UPF2: variants seen among roughly 807,000 people sequenced by gnomAD.
UPF2 encodes regulator of nonsense transcripts 2.
UPF2 carries 17 observed loss-of-function variants against 141.4 expected under a neutral mutation model. That is an observed-to-expected ratio of 0.12 (90% CI 0.08 to 0.18). The LOEUF is 0.18. UPF2 is among the 10% of genes least tolerant of loss of function. The pLI is 1.00. For missense variants in UPF2, 1,152 were observed against 1,515.9 expected (o/e 0.76, Z 3.99); for synonymous variants, 540 against 498.0 (o/e 1.08, Z -1.12).
chr10:11,986,668 AGAT>A (rs1283317885), intron 8 of UPF2, among the ~76,000 whole-genome samples: 1 of 152,236 alleles, frequency 6.6e-6, no homozygotes, highest in Non-Finnish European at 1.5e-5. Context: ...CTAAAGCAGA[AGAT>A]GATTCCTAAA....
rs1003175046 is a variant in UPF2, at chr10:11,992,545, C to A, written c.1844+5127G>T. ...TAAAGTAATAAAATAATAATGCAAA[C>A]CTTCCTAAAACCAAGAAACATACAC... On this transcript the variant is annotated intron_variant, in intron 8 of 21. Transcript: ENST00000357604. The surrounding 1 kb of genome is among the most constrained non-coding windows in gnomAD (Gnocchi z 4.1). Among the ~76,000 whole-genome samples, 5 of 152,078 alleles carry A rather than the reference C, an allele frequency of 3.3e-5. No homozygotes were observed. The highest frequency in any genetic ancestry group is 2.6e-4 in the Admixed American group (4 of 15,272).
At chr10:11,999,760 G>T in intron 7 of UPF2, 146 bp downstream of exon 7, 1 of 674,758 alleles carries the variant, frequency 1.5e-6, no homozygotes, top group Non-Finnish European at 2.6e-6. Context: ...AATTTTGTCT[G>T]CTTATGCTGA....
At chr10:11,990,284 A>T (rs1315220745) in intron 8 of UPF2, among the ~76,000 whole-genome samples, 1 of 152,206 alleles carries the variant, frequency 6.6e-6, no homozygotes, top group Admixed American at 6.5e-5. Flanking sequence ...TGATAAACCC[A>T]TATTCCTGAC....
chr10:12,035,639 T>A (rs1208658591), intron 1 of UPF2, 198 bp from the exon 2 acceptor site: 2 of 544,994 alleles, frequency 3.7e-6, no homozygotes, highest in African/African-American at 2.0e-5. Context: ...TAGTTAGGCC[T>A]ATGTCTAAGT....
chr10:12,039,716 G>A (rs1834701697), intron 1 of UPF2, among the ~76,000 whole-genome samples: 2 of 151,780 alleles, frequency 1.3e-5, no homozygotes, highest in African/African-American at 4.8e-5. Flanking sequence ...TGCCACCCGG[G>A]TTCAAGTCAT....
At chr10:11,937,745 T>C (rs968176935) in intron 18 of UPF2, among the ~76,000 whole-genome samples, 2 of 152,170 alleles carry the variant, frequency 1.3e-5, no homozygotes, top group Non-Finnish European at 2.9e-5. Flanking sequence ...ACCATTTAAA[T>C]AGTCTTCTGA....
At chr10:12,036,780 C>T (rs887717711) in intron 1 of UPF2, among the ~76,000 whole-genome samples, 9 of 152,176 alleles carry the variant, frequency 5.9e-5, no homozygotes, top group Non-Finnish European at 1.3e-4. Flanking sequence ...AATCTCAGCA[C>T]TTTGGAAGGC....
At chr10:11,971,229 C>G (rs1833411768) in intron 9 of UPF2, among the ~76,000 whole-genome samples, 1 of 150,860 alleles carries the variant, frequency 6.6e-6, no homozygotes, top group Non-Finnish European at 1.5e-5. Context: ...TTTCACTCCT[C>G]ATTCAACATT....
chr10:12,024,381 A>G (rs1287175825), intron 3 of UPF2, among the ~76,000 whole-genome samples: 1 of 152,142 alleles, frequency 6.6e-6, no homozygotes, highest in Admixed American at 6.6e-5. Context: ...AGACCAAGGC[A>G]GGCAGATCAT....
chr10:12,023,510 T>TAAAAAAAA lies in UPF2; in HGVS notation c.1145+5227_1145+5234dup, dbSNP rs762703531. Among the ~76,000 whole-genome samples the TAAAAAAAA allele has an allele frequency of 2.3e-3, 270 of 117,208 alleles. 2 individuals are homozygous for TAAAAAAAA. Among genetic ancestry groups the TAAAAAAAA allele is most frequent in the Middle Eastern group, 0.013 (3 of 240 alleles). The allele number at this position is 117,208 out of a possible 152,430, so 76.9% of individuals were successfully genotyped here. ...CAACATGGTGAAACCCTGTCTCTACTAAAAAAAAAAAAAAAAATAGAGAAT... is the reference window on the plus strand; with the variant it reads ...CAACATGGTGAAACCCTGTCTCTACTAAAAAAAAAAAAAAAAAAAAAAAAATAGAGAAT... On this transcript the variant is annotated intron_variant, in intron 3 of 21. Coordinates refer to ENST00000357604, the MANE Select transcript of UPF2 (RefSeq NM_015542.4).
chr10:11,939,208 G>A lies in UPF2; in HGVS notation c.3379-2496C>T, dbSNP rs760077179. ...GTCTTTCCAAGCCTCTGTTTCTTTA[G>A]CTAAAGCAAAGGAATACTAACAGTA... On this transcript the variant is annotated intron_variant, in intron 18 of 21. Coordinates refer to ENST00000357604, the MANE Select transcript of UPF2 (RefSeq NM_015542.4). The surrounding 1 kb of genome is among the most constrained non-coding windows in gnomAD (Gnocchi z 4.8). Among the ~76,000 whole-genome samples, 38 of 152,134 alleles carry A rather than the reference G, an allele frequency of 2.5e-4. No individual in the cohort carries two copies. The highest frequency in any genetic ancestry group is 2.9e-4 in the Non-Finnish European group (20 of 68,010).
intron 9 of UPF2, among the ~76,000 whole-genome samples, chr10:11,977,891 C>A (rs1375642045): frequency 2.6e-5 from 4 of 152,172 alleles, no homozygotes; most frequent in Non-Finnish European, 5.9e-5. Flanking sequence ...AACATAGAAA[C>A]CTTCCCTTAC....
chr10:11,978,148 G>A (rs1016353251), intron 9 of UPF2, among the ~76,000 whole-genome samples: 3 of 152,254 alleles, frequency 2.0e-5, no homozygotes, highest in East Asian at 3.9e-4. Flanking sequence ...CAACTACATC[G>A]TGAGTTCCTG....
chr10:11,982,158 T>C (rs964138336), intron 8 of UPF2, among the ~76,000 whole-genome samples: 2 of 152,240 alleles, frequency 1.3e-5, no homozygotes, highest in Non-Finnish European at 2.9e-5. Flanking sequence ...TCCACATCCA[T>C]TTTAACAAAT....
At chr10:12,002,259 G>A (rs1376145470) in intron 5 of UPF2, among the ~76,000 whole-genome samples, 1 of 152,130 alleles carries the variant, frequency 6.6e-6, no homozygotes, top group Non-Finnish European at 1.5e-5. Context: ...CAAAAAGGGC[G>A]AAACTAAGTC....
In UPF2 at chr10:11,992,468, GA is replaced by G. The variant is rs767991722; in HGVS notation, c.1844+5203del. ...ACTAATCTTACCACTGCTCATGGTA[GA>G]AAACAACAGAGACTGTCTAAATAAA... On this transcript the variant is annotated intron_variant, in intron 8 of 21. Coordinates refer to ENST00000357604, the MANE Select transcript of UPF2 (RefSeq NM_015542.4). The surrounding 1 kb of genome is among the most constrained non-coding windows in gnomAD (Gnocchi z 4.1). Among the ~76,000 whole-genome samples, 168 of 152,256 alleles carry G rather than the reference GA, an allele frequency of 1.1e-3. 1 individual carries two copies. Among genetic ancestry groups the G allele is most frequent in the Non-Finnish European group, 2.0e-3 (137 of 68,012 alleles).
chr10:12,012,807 A>AG (rs1341651168), intron 4 of UPF2, among the ~76,000 whole-genome samples: 1 of 151,936 alleles, frequency 6.6e-6, no homozygotes, highest in Admixed American at 6.6e-5. Context: ...AAAAAAAAAA[A>AG]AAAAAACATT....
At chr10:11,927,600 A>G (rs1488014913) in intron 21 of UPF2, among the ~76,000 whole-genome samples, 1 of 152,218 alleles carries the variant, frequency 6.6e-6, no homozygotes, top group Admixed American at 6.5e-5. Context: ...TTTTAGCAGC[A>G]ATAAAACAGG....
In UPF2 at chr10:11,948,357, A is replaced by C; in HGVS notation, c.3174+12T>G. On this transcript the variant is annotated intron_variant, in intron 16 of 21. Coordinates refer to ENST00000357604, the MANE Select transcript of UPF2 (RefSeq NM_015542.4). The stretch of plus-strand genomic sequence containing the variant: ...AAATGTACTCTATGTTGCTACATAT[A>C]AAAGTCATCACCTCTTCTTCTGGCT... 2 of 1,565,846 alleles carry C rather than the reference A, an allele frequency of 1.3e-6. No individual in the cohort carries two copies. Among genetic ancestry groups the C allele is most frequent in the Non-Finnish European group, 1.7e-6 (2 of 1,153,378 alleles).
Sources: allele counts gnomAD v4.1 joint callset (sites outside exome capture counted in the v4.1 genomes callset), GRCh38; gene constraint gnomAD v4.1.1; non-coding constraint Gnocchi (gnomAD v3.1); transcripts MANE v1.5; gene names NCBI Gene and HGNC (gene_info 2026-07-23, HGNC 2026-07-21).